Variants in TMC1 observed in about 807,000 individuals in gnomAD.
TMC1 encodes transmembrane channel-like protein 1.
In TMC1, 84 loss-of-function variants were observed where a neutral mutation model predicts 105.8. That is an observed-to-expected ratio of 0.79 (90% CI 0.67 to 0.95). The LOEUF (loss-of-function observed/expected upper bound fraction) is 0.95. Among genes scored for constraint, TMC1 ranks in the 40% least tolerant of loss-of-function variants. The pLI is 0.00. For missense variants in TMC1, 817 were observed against 914.1 expected (o/e 0.89, Z 1.37); for synonymous variants, 315 against 311.5 (o/e 1.01, Z -0.12).
intron 5 of TMC1, among the ~76,000 whole-genome samples, chr9:72,668,534 T>G (rs1013271288): frequency 6.6e-6 from 1 of 152,210 alleles, no homozygotes; most frequent in Non-Finnish European, 1.5e-5. Flanking sequence ...AAGAATAGAA[T>G]AGTCCAACTG....
intron 3 of TMC1, among the ~76,000 whole-genome samples, chr9:72,621,930 G>C (rs57934869): frequency 0.11 from 16,939 of 152,084 alleles, 1,253 homozygotes; most frequent in African/African-American, 0.2. Flanking sequence ...TTTGAATGTT[G>C]ATAATAATTT....
At chr9:72,679,970 T>G (rs1588027806) in intron 5 of TMC1, among the ~76,000 whole-genome samples, 1 of 149,180 alleles carries the variant, frequency 6.7e-6, no homozygotes, top group South Asian at 2.1e-4. Flanking sequence ...AATGAGATTA[T>G]TGAGGCTAAC....
chr9:72,787,346 G>A (rs1270677262), intron 13 of TMC1, among the ~76,000 whole-genome samples: 1 of 152,122 alleles, frequency 6.6e-6, no homozygotes, highest in Non-Finnish European at 1.5e-5. Flanking sequence ...TAAAATGTAT[G>A]AGCCTCCATG....
At chr9:72,720,461 T>C (rs1441166356) in intron 8 of TMC1, among the ~76,000 whole-genome samples, 1 of 152,210 alleles carries the variant, frequency 6.6e-6, no homozygotes, top group Non-Finnish European at 1.5e-5. Flanking sequence ...GTATCCTGTG[T>C]TCTGCAGTGT....
intron 5 of TMC1, among the ~76,000 whole-genome samples, chr9:72,676,692 G>A (rs891582149): frequency 1.3e-5 from 2 of 152,108 alleles, no homozygotes; most frequent in African/African-American, 4.8e-5. Flanking sequence ...GACTTTTCTA[G>A]TTCTGTGGAT....
At chr9:72,745,383 A>C (rs1405466658) in intron 10 of TMC1, among the ~76,000 whole-genome samples, 2 of 152,168 alleles carry the variant, frequency 1.3e-5, no homozygotes, top group African/African-American at 2.4e-5. Flanking sequence ...AAGGTTTTAC[A>C]TACTTTTTCT....
chr9:72,776,899 G>A (rs1405493230), intron 13 of TMC1, among the ~76,000 whole-genome samples: 2 of 151,722 alleles, frequency 1.3e-5, no homozygotes, highest in African/African-American at 4.8e-5. Flanking sequence ...TCTCGTCCTG[G>A]GTAGCCTTTT....
intron 1 of TMC1, among the ~76,000 whole-genome samples, chr9:72,576,493 G>C (rs1824381566): frequency 6.6e-6 from 1 of 151,756 alleles, no homozygotes; most frequent in Non-Finnish European, 1.5e-5. Flanking sequence ...CATTTACGGA[G>C]CTCCTTCTTG....
chr9:72,606,652 T>C (rs1008422564), intron 2 of TMC1, among the ~76,000 whole-genome samples: 3 of 152,230 alleles, frequency 2.0e-5, no homozygotes, highest in African/African-American at 4.8e-5. Flanking sequence ...GATTGAGTTA[T>C]ATTTACTATA....
chr9:72,530,966 G>A (rs1028495905), intron 1 of TMC1, among the ~76,000 whole-genome samples: 27 of 151,350 alleles, frequency 1.8e-4, no homozygotes, highest in African/African-American at 4.4e-4. Flanking sequence ...GACTACAGGC[G>A]CCTGCCACCA....
chr9:72,609,555 C>T (rs947282183), intron 2 of TMC1, among the ~76,000 whole-genome samples: 4 of 151,644 alleles, frequency 2.6e-5, no homozygotes, highest in Non-Finnish European at 5.9e-5. Context: ...ATAACAACAA[C>T]AACAAAAACA....
chr9:72,627,936 A>T lies in TMC1; in HGVS notation c.-180A>T, dbSNP rs371546038. 7 of 419,922 alleles carry T rather than the reference A, an allele frequency of 1.7e-5. No individual in the cohort carries two copies. The highest frequency in any genetic ancestry group is 8.3e-5 in the African/African-American group (4 of 48,154). 26.0% of individuals were successfully genotyped at this position (419,922 alleles called of 1,614,324 possible). A position where few individuals can be genotyped will look rare whatever the true frequency, so the allele number is the denominator to read the frequency against. Reference sequence around the variant, plus strand: ...CATATTTTAGGATGCCAGAAGCCTCAAAAATGGAAAACCCCCTGTGCTTCA... The same window carrying T: ...CATATTTTAGGATGCCAGAAGCCTCTAAAATGGAAAACCCCCTGTGCTTCA... On this transcript the variant is annotated 5_prime_UTR_variant, in exon 4 of 24. Transcript: ENST00000297784.
At chr9:72,586,907 G>A (rs1017988964) in intron 2 of TMC1, among the ~76,000 whole-genome samples, 1 of 152,174 alleles carries the variant, frequency 6.6e-6, no homozygotes, top group African/African-American at 2.4e-5. Context: ...AAGAGGAAGT[G>A]ACTCATTCTT....
chr9:72,615,573 G>C (rs1195149410), intron 2 of TMC1, among the ~76,000 whole-genome samples: 1 of 152,086 alleles, frequency 6.6e-6, no homozygotes, highest in Non-Finnish European at 1.5e-5. Flanking sequence ...ATTACATTAA[G>C]TTATTTCCAA....
At position 72,766,310 on chromosome 9, in the gene TMC1, G is replaced by A. The variant is rs550133696; in HGVS notation, c.742-6103G>A. Among the ~76,000 whole-genome samples, 91 of 151,898 alleles carry A rather than the reference G, an allele frequency of 6.0e-4. 1 individual carries two copies. The highest frequency in any genetic ancestry group is 8.5e-4 in the Admixed American group (13 of 15,258). ...CGGGTGCCTGTAGTCCCAGCTACTC[G>A]GGAGGCTGAGTCAGAAGAATGGCAT... On this transcript the variant is annotated intron_variant, in intron 12 of 23. Transcript: ENST00000297784.
chr9:72,616,289 A>G (rs1825126475), intron 2 of TMC1, 79 bp from the exon 3 acceptor site: 1 of 152,134 alleles, frequency 6.6e-6, no homozygotes, highest in Admixed American at 6.5e-5. Flanking sequence ...TTTACAGCAG[A>G]ACTGTGCTAC....
intron 4 of TMC1, among the ~76,000 whole-genome samples, chr9:72,647,325 ATCT>A (rs1437368160): frequency 2.0e-5 from 3 of 151,594 alleles, no homozygotes; most frequent in East Asian, 1.9e-4. Flanking sequence ...TGTTTTCATA[ATCT>A]TCTGGATATG....
chr9:72,621,977 T>A (rs534525012), intron 3 of TMC1, among the ~76,000 whole-genome samples: 1 of 152,180 alleles, frequency 6.6e-6, no homozygotes, highest in Non-Finnish European at 1.5e-5. Context: ...GTGGCAGATA[T>A]CAGTTTATGT....
intron 8 of TMC1, among the ~76,000 whole-genome samples, chr9:72,726,170 T>C (rs1827121574): frequency 6.6e-6 from 1 of 152,136 alleles, no homozygotes; most frequent in Non-Finnish European, 1.5e-5. Flanking sequence ...AAGATTCCCT[T>C]TTATAGTTAT....
Sources: gnomAD v4.1 joint callset for allele counts (sites outside exome capture counted in the v4.1 genomes callset) on GRCh38, gnomAD v4.1.1 for gene constraint, MANE v1.5 for transcripts, NCBI Gene and HGNC (gene_info 2026-07-23, HGNC 2026-07-21) for gene names.